Variants in TGM3 observed in about 807,000 individuals in gnomAD.
TGM3 encodes the protein protein-glutamine gamma-glutamyltransferase E.
A neutral mutation model predicts 73.8 loss-of-function variants in TGM3; 52 were observed. The ratio of observed to expected loss-of-function variants is 0.70; its 90% confidence interval spans 0.56 to 0.89. The LOEUF is 0.89. Among genes scored for constraint, TGM3 ranks in the 40% least tolerant of loss-of-function variants. TGM3 has a pLI of 0.00. For missense variants in TGM3, 928 were observed against 909.9 expected, an observed-to-expected ratio of 1.02 and a Z score of -0.26; for synonymous variants, 372 against 354.9, an observed-to-expected ratio of 1.05 and a Z score of -0.54.
intron 1 of TGM3, among the ~76,000 whole-genome samples, chr20:2,308,978 A>G (rs2084189060): frequency 6.6e-6 from 1 of 151,892 alleles, no homozygotes; most frequent in Non-Finnish European, 1.5e-5. Flanking sequence ...CCCAGATTCA[A>G]GTGATTCTCC....
chr20:2,327,984 A>G (rs2084298106), intron 8 of TGM3, 136 bp from the exon 9 acceptor site: 17 of 1,245,618 alleles, frequency 1.4e-5, no homozygotes, highest in Non-Finnish European at 1.1e-6. Flanking sequence ...AATGAGTGGG[A>G]CACACAGTCA....
rs201965610 is a variant in TGM3, at chr20:2,311,034, C to G, written c.445C>G (p.His149Asp). Reference sequence around the variant, plus strand: ...AGTGGATAGCGTCTTTATGGGTAACCACGCTGAGAGAGAAGAGTATGTTCA... The same window carrying G: ...AGTGGATAGCGTCTTTATGGGTAACGACGCTGAGAGAGAAGAGTATGTTCA... ...LNVDSVFMGN[H>D]AEREEYVQED... The change falls in exon 4 of 13, where the codon CAC (histidine) becomes GAC (aspartate). Residue 149 changes from histidine to aspartate, a missense_variant. Physicochemically the swap from His to Asp is moderately conservative, Grantham distance 81. Coordinates refer to ENST00000381458, the MANE Select transcript of TGM3 (RefSeq NM_003245.4). The G allele has an allele frequency of 3.1e-6, 5 of 1,613,960 alleles. No individual in the cohort carries two copies. Among genetic ancestry groups the G allele is most frequent in the African/African-American group, 2.7e-5 (2 of 75,054 alleles).
intron 1 of TGM3, among the ~76,000 whole-genome samples, chr20:2,297,454 A>G (rs1406055929): frequency 2.0e-5 from 3 of 152,100 alleles, no homozygotes; most frequent in Non-Finnish European, 2.9e-5. Context: ...TTTCTCCACA[A>G]AAAGAAACCA....
At chr20:2,311,410 T>C (rs561745870) in intron 4 of TGM3, among the ~76,000 whole-genome samples, 1 of 152,314 alleles carries the variant, frequency 6.6e-6, no homozygotes, top group Admixed American at 6.5e-5. Flanking sequence ...AATGAAGTAG[T>C]ATTGGTGCCA....
chr20:2,326,536 G>A (rs2122238749), intron 8 of TGM3, among the ~76,000 whole-genome samples: 1 of 152,266 alleles, frequency 6.6e-6, no homozygotes, highest in East Asian at 1.9e-4. Flanking sequence ...ATTTTCAGTT[G>A]TTCTTTGAAA....
In TGM3 at chr20:2,334,196, G is replaced by A. The variant is rs1442163332; in HGVS notation, c.1643-920G>A. On this transcript the variant is annotated intron_variant, in intron 10 of 12. Coordinates refer to ENST00000381458, the MANE Select transcript of TGM3 (RefSeq NM_003245.4). This position sits in a 1 kb window ranked among gnomAD's most constrained non-coding sequence, Gnocchi z 4.0. ...CCAGGGGAGGCATTTCCATCTGGGG[G>A]AACCATGTGAGTCAAAATATGGGGG... Among the ~76,000 whole-genome samples, 1 of 152,162 alleles carries A rather than the reference G, an allele frequency of 6.6e-6. No individual in the cohort carries two copies. Among genetic ancestry groups the A allele is most frequent in the Non-Finnish European group, 1.5e-5 (1 of 68,018 alleles).
chr20:2,317,868 A>G (rs1329907777), intron 7 of TGM3, among the ~76,000 whole-genome samples: 4 of 151,306 alleles, frequency 2.6e-5, no homozygotes, highest in Admixed American at 2.0e-4. Flanking sequence ...AGTAATCCAT[A>G]TGACTTACAA....
chr20:2,328,309 A>G lies in TGM3; in HGVS notation c.1277A>G (p.Lys426Arg). 1 of 1,614,210 alleles carries G rather than the reference A, an allele frequency of 6.2e-7. No homozygotes were observed. The highest frequency in any genetic ancestry group is 2.2e-5 in the East Asian group (1 of 44,874). The change falls in exon 9 of 13, where the codon AAG (lysine) becomes AGG (arginine). Residue 426 changes from lysine (K) to arginine (R), a missense_variant. Lys to Arg is a conservative substitution (Grantham distance 26). Coordinates refer to ENST00000381458, the MANE Select transcript of TGM3 (RefSeq NM_003245.4). This position sits in a 1 kb window ranked among gnomAD's most constrained non-coding sequence, Gnocchi z 5.2. ...SHTIGRYIST[K>R]AVGSNARMDV... is the part of the protein sequence containing the mutation. ...ACCATTGGCAGGTACATCAGCACCA[A>G]GGCGGTGGGCAGCAATGCTCGCATG...
rs370121854 is a variant in TGM3 at position 2,317,481 on chromosome 20, G to A, written c.979G>A (p.Val327Ile). ...CCCCCTGGACAAGGGTAGTGATAGC[G>A]TATGGTAAGTATCTCACCTTTTCCC... ...GNPLDKGSDS[V>I]WNFHVWNEGW... Residue 327 changes from valine (V) to isoleucine (I), a missense_variant, in exon 7 of 13, where the codon GTA (valine) becomes ATA (isoleucine). By Grantham distance (29) the Val-to-Ile change is conservative. Coordinates refer to ENST00000381458, the MANE Select transcript of TGM3 (RefSeq NM_003245.4). The A allele has an allele frequency of 1.4e-4, 229 of 1,614,206 alleles. 5 individuals are homozygous for A. The South Asian group carries it at 1.7e-3, about 12-fold the overall frequency.
intron 9 of TGM3, among the ~76,000 whole-genome samples, chr20:2,331,657 A>G (rs1325955330): frequency 6.6e-6 from 1 of 152,202 alleles, no homozygotes; most frequent in Non-Finnish European, 1.5e-5. Flanking sequence ...TTTTGAAATT[A>G]TCTGTTTTTT....
At chr20:2,311,713 G>A (rs1399051491) in intron 4 of TGM3, among the ~76,000 whole-genome samples, 2 of 152,178 alleles carry the variant, frequency 1.3e-5, no homozygotes, top group African/African-American at 4.8e-5. Flanking sequence ...TCAGAAAGAT[G>A]TGTGCTTGGA....
chr20:2,309,725 T>C lies in TGM3; in HGVS notation c.76T>C (p.Ser26Pro), dbSNP rs778064039. 5.0e-6 allele frequency: 8 copies of C among 1,614,058 alleles called. No homozygotes were observed. The East Asian group carries it at 1.8e-4, about 36-fold the overall frequency. Residue 26 changes from serine to proline, a missense_variant, in exon 2 of 13, where the codon TCC becomes CCC. Ser to Pro is a moderately conservative substitution (Grantham distance 74). Transcript: ENST00000381458. ...NRQAHHTDKF[S>P]SQELILRRGQ... ...ACAAGCGCATCACACAGACAAGTTC[T>C]CCAGCCAGGAGCTCATCTTGCGGAG...
At position 2,328,320 on chromosome 20, in the gene TGM3, AGCAATGCTC is replaced by A. The variant is rs770624101; in HGVS notation, c.1292_1300del (p.Asn431_Arg433del). ...GTACATCAGCACCAAGGCGGTGGGC[AGCAATGCTC>A]GCATGGACGTCACGGACAAGTACAA... On this transcript the variant is annotated inframe_deletion, in exon 9 of 13. Transcript: ENST00000381458. The surrounding 1 kb of genome is among the most constrained non-coding windows in gnomAD (Gnocchi z 5.2). 9 of 1,614,198 alleles carry A rather than the reference AGCAATGCTC, an allele frequency of 5.6e-6. No individual in the cohort carries two copies. The highest frequency in any genetic ancestry group is 1.6e-4 in the Middle Eastern group (1 of 6,062).
intron 1 of TGM3, among the ~76,000 whole-genome samples, chr20:2,296,395 G>A (rs916058662): frequency 1.3e-5 from 2 of 152,066 alleles, no homozygotes; most frequent in South Asian, 4.2e-4. Flanking sequence ...CACATCCGTC[G>A]CCACCCGTAA....
chr20:2,307,766 A>G (rs1471879500), intron 1 of TGM3, among the ~76,000 whole-genome samples: 2 of 152,160 alleles, frequency 1.3e-5, no homozygotes, highest in African/African-American at 4.8e-5. Flanking sequence ...TTGAATGAAT[A>G]CTTCATATTC....
chr20:2,313,579 C>T (rs548532835), intron 5 of TGM3, among the ~76,000 whole-genome samples: 98 of 152,278 alleles, frequency 6.4e-4, no homozygotes, highest in African/African-American at 2.3e-3. Flanking sequence ...CAGACCAGAA[C>T]AAGGCCTCCA....
At position 2,332,277 on chromosome 20, in the gene TGM3, G is replaced by A. The variant is rs1301390784; in HGVS notation, c.1609G>A (p.Asp537Asn). 22 of 1,610,740 alleles carry A rather than the reference G, an allele frequency of 1.4e-5. No homozygotes were observed. The highest frequency in any genetic ancestry group is 1.7e-5 in the Non-Finnish European group (20 of 1,178,028). ...NGTLVHEVWK[D>N]SATMSLDPEE... The stretch of plus-strand genomic sequence containing the variant: ...CACGCTTGTACATGAAGTGTGGAAG[G>A]ACTCTGCCACAATGTCCCTGGACCC... The change falls in exon 10 of 13, where the codon GAC becomes AAC. Residue 537 changes from aspartate (D) to asparagine (N), a missense_variant. Physicochemically the swap from Asp to Asn is conservative, Grantham distance 23 (BLOSUM62 1). Transcript: ENST00000381458. The surrounding 1 kb of genome is among the most constrained non-coding windows in gnomAD (Gnocchi z 4.4).
In TGM3 at chr20:2,335,130, A is replaced by G. The variant is rs769498957; in HGVS notation, c.1657A>G (p.Ile553Val). ...TCTCCTTCCAGAGGCAGAACATCCC[A>G]TAAAGATCTCGTACGCTCAGTATGA... is the stretch of plus-strand genomic sequence containing the variant. Reference protein sequence around the residue: ...LDPEEEAEHPIKISYAQYEKY... With the variant: ...LDPEEEAEHPVKISYAQYEKY... Residue 553 changes from isoleucine to valine, a missense_variant, in exon 11 of 13, where the codon ATA becomes GTA. Coordinates refer to ENST00000381458, the MANE Select transcript of TGM3 (RefSeq NM_003245.4). 6.2e-7 allele frequency: 1 copy of G among 1,614,198 alleles called. No individual in the cohort carries two copies.
At chr20:2,312,801 C>A in intron 4 of TGM3, 97 bp from the exon 5 acceptor site, 1 of 1,526,814 alleles carries the variant, frequency 6.5e-7, no homozygotes, top group South Asian at 1.2e-5. Context: ...GTCAAAGGAT[C>A]TGATAGTTCC....
Sources: allele counts gnomAD v4.1 joint callset (sites outside exome capture counted in the v4.1 genomes callset), GRCh38; gene constraint gnomAD v4.1.1; non-coding constraint Gnocchi (gnomAD v3.1); transcripts MANE v1.5; gene names NCBI Gene and HGNC (gene_info 2026-07-23, HGNC 2026-07-21).